The following NCOR2 variants were observed in gnomAD, a reference collection of about 807,000 sequenced individuals.
NCOR2 encodes the protein CTG repeat protein 26.
A neutral mutation model predicts 262.9 loss-of-function variants in NCOR2; 81 were observed. The observed-to-expected ratio is 0.31, with a 90% CI of 0.26 to 0.37. NCOR2 has a LOEUF of 0.37. NCOR2 is among the 10% of genes least tolerant of loss of function. The pLI, the probability that NCOR2 is intolerant of heterozygous loss-of-function variation, is 1.00. For synonymous variants in NCOR2, 1,659 were observed against 1,559.3 expected, an observed-to-expected ratio of 1.06 and a Z score of -1.51; for missense variants, 3,385 against 3,621.4, an observed-to-expected ratio of 0.93 and a Z score of 1.68.
rs552914227 is a variant in NCOR2, at chr12:124,380,200, C to T, written c.2020-1816G>A. ...GGGCCCCGCCCACCCCAGCCCTTCA[C>T]CGTGGCCAGGCTGGAGCTGGGCCTC... On this transcript the variant is annotated intron_variant, in intron 17 of 46. Transcript: ENST00000405201. Among the ~76,000 whole-genome samples, 43 of 152,362 alleles carry T rather than the reference C, an allele frequency of 2.8e-4. No individual in the cohort carries two copies. The South Asian group carries it at 8.5e-3, about 30-fold the overall frequency.
exon 9 of NCOR2, chr12:124,430,692 C>T (rs763839584): frequency 3.1e-6 from 5 of 1,614,210 alleles, no homozygotes; most frequent in Admixed American, 3.3e-5. Flanking sequence ...GCACCTTGCT[C>T]TCCTTGGCCC....
Position 124,566,800 on chromosome 12 carries a change from G to A in NCOR2, c.-165+508C>T, listed in dbSNP as rs1395347868. ...GTGGCCCCACGCCTAGGAGGGACAA[G>A]GCTGGCTCTCCCCCTCGGCTGGTGA... On this transcript the variant is annotated intron_variant, in intron 1 of 32. Coordinates refer to the NCOR2 transcript ENST00000458234. This position sits in a 1 kb window ranked among gnomAD's most constrained non-coding sequence, Gnocchi z 4.3. Among the ~76,000 whole-genome samples, 1 of 152,152 alleles carries A rather than the reference G, an allele frequency of 6.6e-6. No individual in the cohort carries two copies. The highest frequency in any genetic ancestry group is 2.4e-5 in the African/African-American group (1 of 41,446).
intron 40 of NCOR2, 36 bp downstream of exon 42, chr12:124,335,099 A>T (rs767086064): frequency 1.9e-6 from 3 of 1,612,230 alleles, no homozygotes; most frequent in Non-Finnish European, 2.5e-6. Context: ...CCCCAGGTGC[A>T]AAGGTGACAA....
intron 1 of NCOR2, among the ~76,000 whole-genome samples, chr12:124,491,832 G>C (rs2048096586): frequency 6.6e-6 from 1 of 152,216 alleles, no homozygotes; most frequent in Non-Finnish European, 1.5e-5. Flanking sequence ...CCCTCAGGGA[G>C]AGTCATAGGA....
intron 1 of NCOR2, among the ~76,000 whole-genome samples, chr12:124,518,838 C>A (rs979575820): frequency 6.6e-6 from 1 of 152,196 alleles, no homozygotes; most frequent in Non-Finnish European, 1.5e-5. Context: ...AGCTTCGAGC[C>A]GCACCTGCAC....
chr12:124,498,193 T>A (rs369832075), upstream of NCOR2, among the ~76,000 whole-genome samples: 1 of 151,864 alleles, frequency 6.6e-6, no homozygotes, highest in African/African-American at 2.4e-5. Flanking sequence ...GGCCGAGAGG[T>A]CTCATTTACC....
intron 1 of NCOR2, among the ~76,000 whole-genome samples, chr12:124,557,533 CTCT>C (rs771644440): frequency 6.0e-4 from 91 of 152,308 alleles, no homozygotes; most frequent in Non-Finnish European, 8.7e-4. Context: ...CCAGGATGAC[CTCT>C]TCTTAATTAA....
rs1214685295 is a variant in NCOR2 at position 124,549,366 on chromosome 12, A to G, written c.-164-13755T>C. ...CTGCCCGTCTGGCTTTCGAGGAGAT[A>G]AGCCGCCTGCTCAGGTTCACGTTCG... On this transcript the variant is annotated intron_variant, in intron 1 of 32. Transcript: ENST00000458234. The surrounding 1 kb of genome is among the most constrained non-coding windows in gnomAD (Gnocchi z 4.4). Among the ~76,000 whole-genome samples the G allele has an allele frequency of 6.6e-6, 1 of 152,142 alleles. No individual in the cohort carries two copies.
intron 7 of NCOR2, among the ~76,000 whole-genome samples, chr12:124,448,586 C>T (rs1318104045): frequency 2.0e-5 from 3 of 152,152 alleles, no homozygotes; most frequent in African/African-American, 7.2e-5. Context: ...GCTCCTGAAC[C>T]CGAGAAGGCC....
intron 28 of NCOR2, among the ~76,000 whole-genome samples, chr12:124,349,621 C>G (rs1410556503): frequency 6.6e-6 from 1 of 152,206 alleles, no homozygotes; most frequent in Non-Finnish European, 1.5e-5. Context: ...CTGCCGCTGC[C>G]TGCACTGCCT....
chr12:124,400,445 G>T (rs1014180846), intron 15 of NCOR2, 56 bp downstream of exon 17: 1 of 1,581,522 alleles, frequency 6.3e-7, no homozygotes, highest in Admixed American at 1.7e-5. Context: ...TCATATGAGC[G>T]CAACCCGCCG....
chr12:124,417,675 C>T (rs1040194211), intron 13 of NCOR2, among the ~76,000 whole-genome samples: 7 of 152,218 alleles, frequency 4.6e-5, no homozygotes, highest in Non-Finnish European at 2.9e-5. Flanking sequence ...CTCCCTGCTG[C>T]CTCTCATACC....
At chr12:124,340,739 A>G in exon 35 of NCOR2, 1 of 1,543,332 alleles carries the variant, frequency 6.5e-7, no homozygotes. Flanking sequence ...CACTTGGGAC[A>G]GGTCGATGAT....
At chr12:124,421,891 G>A (rs964340340) in intron 12 of NCOR2, among the ~76,000 whole-genome samples, 2 of 152,214 alleles carry the variant, frequency 1.3e-5, no homozygotes, top group African/African-American at 4.8e-5. Context: ...TGTGTCTACC[G>A]GCCACCTGGA....
At chr12:124,563,669 C>T (rs2052141614) in intron 1 of NCOR2, among the ~76,000 whole-genome samples, 1 of 152,270 alleles carries the variant, frequency 6.6e-6, no homozygotes, top group Admixed American at 6.5e-5. Flanking sequence ...AAAACAAACA[C>T]AGCAGTGTCG....
At chr12:124,431,202 G>GCA (rs58198716) in intron 8 of NCOR2, among the ~76,000 whole-genome samples, 1 of 133,450 alleles carries the variant, frequency 7.5e-6, no homozygotes, top group African/African-American at 3.2e-5. Flanking sequence ...GCACACACAG[G>GCA]CACACACACA....
At chr12:124,381,907 A>C (rs867647272) in intron 17 of NCOR2, among the ~76,000 whole-genome samples, 17 of 152,234 alleles carry the variant, frequency 1.1e-4, no homozygotes. Flanking sequence ...CAAGTGTTAC[A>C]TAACTCCGGG....
chr12:124,493,174 T>C (rs1477063803), intron 1 of NCOR2, among the ~76,000 whole-genome samples: 5 of 152,158 alleles, frequency 3.3e-5, no homozygotes, highest in African/African-American at 9.7e-5. Flanking sequence ...GAGGGCCCAG[T>C]TGGGGCAAAG....
In NCOR2 at chr12:124,532,713, G is replaced by A. The variant is rs572785655; in HGVS notation, c.-118+2852C>T. Among the ~76,000 whole-genome samples the A allele has an allele frequency of 2.5e-4, 38 of 152,332 alleles. No individual in the cohort carries two copies. In the South Asian group the frequency reaches 7.5e-3, roughly 30 times the overall value. On this transcript the variant is annotated intron_variant, in intron 1 of 46. Transcript: ENST00000404621. ...TCCCCATTAGGCCGGAGACGGAGAC[G>A]CCGATGGACGGGGGACAGAGAGGCA...
Sources: gnomAD v4.1 joint callset for allele counts (sites outside exome capture counted in the v4.1 genomes callset) on GRCh38, gnomAD v4.1.1 for gene constraint, Gnocchi (gnomAD v3.1) non-coding constraint, MANE v1.5 for transcripts, NCBI Gene and HGNC (gene_info 2026-07-23, HGNC 2026-07-21) for gene names.